DNAH5: variants seen among roughly 807,000 people sequenced by gnomAD.
DNAH5 encodes the protein dynein axonemal heavy chain 5, also known as axonemal beta dynein heavy chain 5.
Under a neutral mutation model 518.2 loss-of-function variants are expected in DNAH5, and 372 were observed. The observed-to-expected ratio is 0.72, with a 90% CI of 0.66 to 0.78. DNAH5 has a LOEUF of 0.78. Ranked by LOEUF, DNAH5 falls within the 30% of genes least tolerant of loss-of-function variation. The pLI, the probability that DNAH5 is intolerant of heterozygous loss-of-function variation, is 0.00. For synonymous variants in DNAH5, 2,039 were observed against 2,025.9 expected, an observed-to-expected ratio of 1.01 and a Z score of -0.17; for missense variants, 5,523 against 5,687.0, an observed-to-expected ratio of 0.97 and a Z score of 0.93.
chr5:13,750,089 G>A (rs1315781975), intron 65 of DNAH5, among the ~76,000 whole-genome samples: 1 of 152,160 alleles, frequency 6.6e-6, no homozygotes, highest in African/African-American at 2.4e-5. Flanking sequence ...AGGGGAGGAA[G>A]TGGAGGAGAA....
intron 1 of DNAH5, among the ~76,000 whole-genome samples, chr5:13,937,828 T>C (rs1779085589): frequency 6.6e-6 from 1 of 152,156 alleles, no homozygotes; most frequent in Non-Finnish European, 1.5e-5. Flanking sequence ...ATTTTGTTCT[T>C]TATATATGTG....
In DNAH5 at chr5:13,870,895, T is replaced by C; in HGVS notation, c.3706A>G (p.Ile1236Val). Reference sequence around the variant, plus strand: ...TTTAGTTTCTTATTGAATTCTTCAATAAGCATAAAAATGTTTTCCATCTCA... The same window carrying C: ...TTTAGTTTCTTATTGAATTCTTCAACAAGCATAAAAATGTTTTCCATCTCA... ...RSEMENIFML[I>V]EEFNKKLNRP... Residue 1236 changes from isoleucine to valine, a missense_variant, in exon 24 of 79, where the codon ATT becomes GTT. Ile to Val is a conservative substitution (Grantham distance 29). Transcript: ENST00000265104. 1.9e-6 allele frequency: 3 copies of C among 1,613,900 alleles called. No individual in the cohort carries two copies. Among genetic ancestry groups the C allele is most frequent in the South Asian group, 2.2e-5 (2 of 91,082 alleles).
chr5:13,808,246 A>G (rs11750327), intron 46 of DNAH5, among the ~76,000 whole-genome samples: 58,488 of 143,620 alleles, frequency 0.41, 12,358 homozygotes, highest in East Asian at 0.62. Flanking sequence ...AAAAAAAAAA[A>G]AAGAGGAAAT....
chr5:13,789,002 T>C, intron 50 of DNAH5, 88 bp from the exon 51 acceptor site: 2 of 1,204,224 alleles, frequency 1.7e-6, no homozygotes, highest in Non-Finnish European at 2.4e-6. Flanking sequence ...AGTATTATCC[T>C]TCCTGATTTA....
At chr5:13,872,361 T>C (rs1770248158) in intron 22 of DNAH5, among the ~76,000 whole-genome samples, 1 of 152,188 alleles carries the variant, frequency 6.6e-6, no homozygotes, top group South Asian at 2.1e-4. Context: ...TAACTAGAAT[T>C]GACATCTGAA....
rs376374242 is a variant in DNAH5 at position 13,897,149 on chromosome 5, C to G, written c.2260-2328G>C. ...TAAACACAGTATTTCCCAGATGGAC[C>G]TCATAATCCTTTCCTCATATAATGT... On this transcript the variant is annotated intron_variant, in intron 15 of 78. Transcript: ENST00000265104. 6.6e-4 allele frequency among the ~76,000 whole-genome samples: 101 copies of G among 152,280 alleles called. 1 individual carries two copies. The South Asian group carries it at 0.018, about 27-fold the overall frequency.
rs117548226 is a variant in DNAH5, at chr5:13,998,372, C to T, written c.12+13276G>A. Among the ~76,000 whole-genome samples the T allele has an allele frequency of 8.7e-3, 1,329 of 152,326 alleles. 12 individuals are homozygous for T. Among genetic ancestry groups the T allele is most frequent in the South Asian group, 0.03 (144 of 4,826 alleles). On this transcript the variant is annotated intron_variant, in intron 1 of 78. Transcript: ENST00000681290. ...TAATAACTTCTTAAAGGCCCCACGT[C>T]TTAATACTATTGCAGTGAGGATTAA...
intron 1 of DNAH5, among the ~76,000 whole-genome samples, chr5:13,966,329 G>A (rs1384488943): frequency 6.6e-6 from 1 of 152,170 alleles, no homozygotes; most frequent in South Asian, 2.1e-4. Context: ...ACATCTGTGT[G>A]CAAGTATCTT....
intron 32 of DNAH5, 65 bp downstream of exon 32, chr5:13,844,772 T>C: frequency 6.2e-7 from 1 of 1,604,246 alleles, no homozygotes; most frequent in Non-Finnish European, 8.5e-7. Context: ...TTCGAAGAGC[T>C]ACTTAAAGAC....
intron 1 of DNAH5, among the ~76,000 whole-genome samples, chr5:13,997,697 T>C (rs536698758): frequency 1.3e-5 from 2 of 152,368 alleles, no homozygotes; most frequent in South Asian, 4.1e-4. Flanking sequence ...CATTTCCCTG[T>C]TCTAAAGCTG....
intron 21 of DNAH5, among the ~76,000 whole-genome samples, chr5:13,881,206 G>C (rs1240511643): frequency 6.6e-6 from 1 of 151,882 alleles, no homozygotes; most frequent in African/African-American, 2.4e-5. Context: ...AATAGTAGGG[G>C]ATTTTAGTAC....
intron 6 of DNAH5, 111 bp downstream of exon 6, chr5:13,920,369 A>G: frequency 6.9e-7 from 1 of 1,442,668 alleles, no homozygotes; most frequent in Non-Finnish European, 9.7e-7. Context: ...CTCCTCAAGG[A>G]TTTACAGTAA....
intron 77 of DNAH5, 89 bp downstream of exon 77, chr5:13,701,191 CTCTG>C: frequency 6.5e-7 from 1 of 1,528,518 alleles, no homozygotes; most frequent in Non-Finnish European, 9.1e-7. Flanking sequence ...GACAGTCATT[CTCTG>C]TCTTATTATA....
intron 15 of DNAH5, chr5:13,898,780 T>A (rs553466595): frequency 5.1e-6 from 2 of 395,542 alleles, no homozygotes; most frequent in South Asian, 1.4e-4. Context: ...TTAACCACTA[T>A]GAAATTTTAA....
intron 16 of DNAH5, 38 bp from the exon 17 acceptor site, chr5:13,891,159 TA>T: frequency 6.2e-7 from 1 of 1,610,362 alleles, no homozygotes; most frequent in South Asian, 1.1e-5. Context: ...AGAGATTAGG[TA>T]AAGCATTTTG....
At chr5:13,792,996 A>G (rs747182565) in intron 49 of DNAH5, among the ~76,000 whole-genome samples, 12 of 152,234 alleles carry the variant, frequency 7.9e-5, no homozygotes, top group Non-Finnish European at 1.5e-4. Context: ...TGATTGTTCG[A>G]CTAAATTATC....
intron 50 of DNAH5, 106 bp downstream of exon 50, chr5:13,791,888 T>C: frequency 2.0e-6 from 2 of 1,010,092 alleles, no homozygotes; most frequent in South Asian, 1.5e-5. Flanking sequence ...TGCTGAAACA[T>C]TCCAAAATAT....
intron 64 of DNAH5, 116 bp downstream of exon 64, chr5:13,752,018 C>A: frequency 3.5e-6 from 4 of 1,130,602 alleles, no homozygotes; most frequent in Non-Finnish European, 5.4e-6. Context: ...GAAAAACAAA[C>A]CTTTCCCAAG....
intron 15 of DNAH5, 97 bp downstream of exon 15, chr5:13,900,109 C>G (rs574430616): frequency 1.0e-5 from 12 of 1,147,568 alleles, no homozygotes; most frequent in Admixed American, 8.0e-5. Context: ...TTCATCCTGG[C>G]CACTTTCTGC....
Sources: gnomAD v4.1 joint callset for allele counts (sites outside exome capture counted in the v4.1 genomes callset) on GRCh38, gnomAD v4.1.1 for gene constraint, MANE v1.5 for transcripts, NCBI Gene and HGNC (gene_info 2026-07-23, HGNC 2026-07-21) for gene names.